PTPRD: variants seen among roughly 807,000 people sequenced by gnomAD.
PTPRD encodes the protein receptor-type tyrosine-protein phosphatase delta.
Under a neutral mutation model 214.5 loss-of-function variants are expected in PTPRD, and 34 were observed. That is an observed-to-expected ratio of 0.16 (90% CI 0.12 to 0.21). PTPRD has a LOEUF of 0.21. PTPRD is among the 10% of genes least tolerant of loss of function. PTPRD has a pLI of 1.00. For missense variants in PTPRD, 2,545 were observed against 2,398.7 expected, an observed-to-expected ratio of 1.06 and a Z score of -1.27; for synonymous variants, 1,128 against 845.7, an observed-to-expected ratio of 1.33 and a Z score of -5.79.
At chr9:8,941,887 C>A (rs533984657) in intron 11 of PTPRD, among the ~76,000 whole-genome samples, 1 of 152,262 alleles carries the variant, frequency 6.6e-6, no homozygotes, top group East Asian at 1.9e-4. Context: ...CTCACTGCAA[C>A]CTCCGCCTCC....
chr9:10,146,231 C>T (rs2099021856), intron 3 of PTPRD, among the ~76,000 whole-genome samples: 1 of 151,090 alleles, frequency 6.6e-6, no homozygotes. Context: ...ATCCATCCAT[C>T]CATCCATCCA....
chr9:9,999,197 A>G (rs1052096871), intron 4 of PTPRD, among the ~76,000 whole-genome samples: 7 of 152,186 alleles, frequency 4.6e-5, no homozygotes, highest in Admixed American at 3.9e-4. Context: ...GAAAGGCCCG[A>G]CACTGTTCTT....
intron 20 of PTPRD, among the ~76,000 whole-genome samples, chr9:8,520,554 C>G (rs980474452): frequency 6.6e-6 from 1 of 152,026 alleles, no homozygotes; most frequent in Non-Finnish European, 1.5e-5. Context: ...ACTTAAGTTG[C>G]CCTATGTCTG....
chr9:8,397,822 C>G (rs1228595754), intron 36 of PTPRD, among the ~76,000 whole-genome samples: 1 of 152,014 alleles, frequency 6.6e-6, no homozygotes, highest in East Asian at 1.9e-4. Context: ...GCTAAATTGC[C>G]CATCTCACAA....
At chr9:8,825,553 A>C (rs762166008) in intron 11 of PTPRD, among the ~76,000 whole-genome samples, 4 of 152,220 alleles carry the variant, frequency 2.6e-5, no homozygotes, top group Non-Finnish European at 2.9e-5. Flanking sequence ...TTTGAAAAAT[A>C]AAAGATTAGC....
At chr9:10,179,138 G>A (rs568098513) in intron 3 of PTPRD, among the ~76,000 whole-genome samples, 77 of 151,792 alleles carry the variant, frequency 5.1e-4, no homozygotes, top group Admixed American at 2.9e-3. Context: ...CTAAAATATA[G>A]AATGAGTTAG....
intron 12 of PTPRD, among the ~76,000 whole-genome samples, chr9:8,700,104 C>A (rs2098039206): frequency 6.6e-6 from 1 of 152,130 alleles, no homozygotes; most frequent in African/African-American, 2.4e-5. Flanking sequence ...TCCCATGGGC[C>A]ATTTCAAATA....
chr9:8,517,112 T>C (rs575764662), intron 21 of PTPRD, among the ~76,000 whole-genome samples: 283 of 149,090 alleles, frequency 1.9e-3, no homozygotes, highest in Middle Eastern at 3.4e-3. Flanking sequence ...GGCTCAAGAA[T>C]AAACTTTAGA....
chr9:9,231,911 T>C (rs907998717), intron 9 of PTPRD, among the ~76,000 whole-genome samples: 1 of 152,140 alleles, frequency 6.6e-6, no homozygotes, highest in Non-Finnish European at 1.5e-5. Context: ...TCTTCTCTTT[T>C]GTTTGATCTC....
intron 7 of PTPRD, among the ~76,000 whole-genome samples, chr9:9,583,356 T>C (rs1429578452): frequency 2.0e-5 from 3 of 152,088 alleles, no homozygotes; most frequent in Non-Finnish European, 4.4e-5. Context: ...CTCTAAATTA[T>C]TCAAAACACT....
chr9:9,733,874 A>G (rs148080516), intron 7 of PTPRD, among the ~76,000 whole-genome samples: 5 of 152,052 alleles, frequency 3.3e-5, no homozygotes, highest in African/African-American at 1.2e-4. Flanking sequence ...CAATATTTCA[A>G]TAATATTTGA....
intron 2 of PTPRD, among the ~76,000 whole-genome samples, chr9:10,606,146 C>T (rs972849791): frequency 1.3e-5 from 2 of 151,686 alleles, no homozygotes; most frequent in African/African-American, 4.8e-5. Flanking sequence ...ATATTGTTAT[C>T]AACAGCAAAA....
chr9:10,120,348 T>G (rs2098764766), intron 3 of PTPRD, among the ~76,000 whole-genome samples: 1 of 152,052 alleles, frequency 6.6e-6, no homozygotes, highest in South Asian at 2.1e-4. Flanking sequence ...TCTCTTTTAA[T>G]CTAAACAACC....
chr9:10,400,444 GT>G (rs1177998552), intron 2 of PTPRD, among the ~76,000 whole-genome samples: 1 of 151,544 alleles, frequency 6.6e-6, no homozygotes, highest in East Asian at 1.9e-4. Flanking sequence ...AACTCCTTGT[GT>G]TTTTGCAAAT....
intron 10 of PTPRD, among the ~76,000 whole-genome samples, chr9:9,023,394 C>T (rs2099576106): frequency 6.6e-6 from 1 of 151,838 alleles, no homozygotes; most frequent in African/African-American, 2.4e-5. Context: ...GCACACTTTG[C>T]TGAATATGAA....
At chr9:9,361,822 C>A (rs1269585175) in intron 9 of PTPRD, among the ~76,000 whole-genome samples, 2 of 150,928 alleles carry the variant, frequency 1.3e-5, no homozygotes, top group Non-Finnish European at 3.0e-5. Flanking sequence ...AACTACTATT[C>A]AATTAAATAT....
chr9:9,467,107 C>A (rs2094216800), intron 8 of PTPRD, among the ~76,000 whole-genome samples: 1 of 151,330 alleles, frequency 6.6e-6, no homozygotes, highest in Admixed American at 6.6e-5. Context: ...CATTTCCAAA[C>A]AGTTGTTACT....
chr9:9,328,231 G>A (rs972853392), intron 9 of PTPRD, among the ~76,000 whole-genome samples: 6 of 152,060 alleles, frequency 3.9e-5, no homozygotes, highest in South Asian at 4.1e-4. Context: ...AGTAAACAGG[G>A]AGAATGGTAA....
At chr9:9,936,898 A>G (rs1371703944) in intron 5 of PTPRD, among the ~76,000 whole-genome samples, 1 of 147,242 alleles carries the variant, frequency 6.8e-6, no homozygotes, top group Non-Finnish European at 1.5e-5. Context: ...TGCAGCCATA[A>G]AAAATGATGA....
Sources: gnomAD v4.1 joint callset for allele counts (sites outside exome capture counted in the v4.1 genomes callset) on GRCh38, gnomAD v4.1.1 for gene constraint, MANE v1.5 for transcripts, NCBI Gene and HGNC (gene_info 2026-07-23, HGNC 2026-07-21) for gene names.